PTPRR: variants seen among roughly 807,000 people sequenced by gnomAD.
The protein encoded by PTPRR is receptor-type tyrosine-protein phosphatase R.
A neutral mutation model predicts 77.2 loss-of-function variants in PTPRR; 38 were observed. That is an observed-to-expected ratio of 0.49 (90% CI 0.38 to 0.65). The LOEUF is 0.65. Among genes scored for constraint, PTPRR ranks in the 30% least tolerant of loss-of-function variants. The probability of loss-of-function intolerance (pLI) is 0.00; values close to 1 mark genes in which losing one functional copy is unlikely to be tolerated. For synonymous variants in PTPRR, 299 were observed against 283.1 expected (o/e 1.06, Z -0.57); for missense variants, 744 against 799.2 (o/e 0.93, Z 0.83).
intron 2 of PTPRR, among the ~76,000 whole-genome samples, chr12:70,828,445 G>A (rs535961235): frequency 7.9e-5 from 12 of 151,684 alleles, no homozygotes; most frequent in Non-Finnish European, 5.9e-5. Flanking sequence ...TGGGAATGGG[G>A]TAAGTGGGAG....
chr12:70,897,196 C>G (rs1036481638), intron 1 of PTPRR, among the ~76,000 whole-genome samples: 2,408 of 151,622 alleles, frequency 0.016, 62 homozygotes, highest in African/African-American at 0.055. Flanking sequence ...CAAAAGAAAC[C>G]ACCATCAGAG....
chr12:70,781,064 G>T (rs1020273885), intron 2 of PTPRR, among the ~76,000 whole-genome samples: 1 of 152,194 alleles, frequency 6.6e-6, no homozygotes, highest in African/African-American at 2.4e-5. Context: ...TTCGTGATTT[G>T]AAGTCACAAA....
chr12:70,854,815 G>T (rs1222485211), intron 2 of PTPRR, among the ~76,000 whole-genome samples: 1 of 152,208 alleles, frequency 6.6e-6, no homozygotes, highest in Non-Finnish European at 1.5e-5. Flanking sequence ...TTGTTTACCT[G>T]TTAAGCGTTT....
In PTPRR at chr12:70,745,878, G is replaced by A. The variant is rs751774626; in HGVS notation, c.947C>T (p.Thr316Ile). Residue 316 changes from threonine (T) to isoleucine (I), a missense_variant, in exon 6 of 14, where the codon ACC (threonine) becomes ATC (isoleucine). By Grantham distance (89) the Thr-to-Ile change is moderately conservative (BLOSUM62 -1). Coordinates refer to ENST00000283228, the MANE Select transcript of PTPRR (RefSeq NM_002849.4). ...AGAAGGGCAAACAGAGGTAGCGGTG[G>A]TAGCTTTGATCTCAGGAGCACCTCG... The part of the protein sequence containing the change: ...QGRGAPEIKA[T>I]TATSVCPSPF... 3 of 1,614,040 alleles carry A rather than the reference G, an allele frequency of 1.9e-6. No individual in the cohort carries two copies. In the Admixed American group the frequency reaches 5.0e-5, roughly 27 times the overall value.
Position 70,701,266 on chromosome 12 carries a change from G to A in PTPRR, c.1065C>T (p.Pro355=). Reference sequence around the variant, plus strand: ...CCCGTGGTGTTGGTATAGACACAAAGGGTTCAATGTTCCCCAAGCTACTCA... The same window carrying A: ...CCCGTGGTGTTGGTATAGACACAAAAGGTTCAATGTTCCCCAAGCTACTCA... ...LDMSSLGNIE[P]FVSIPTPREK... Residue 355 remains proline, a synonymous_variant, in exon 7 of 14, where the codon CCC becomes CCT. Coordinates refer to ENST00000283228, the MANE Select transcript of PTPRR (RefSeq NM_002849.4). The A allele has an allele frequency of 1.2e-6, 2 of 1,613,928 alleles. No homozygotes were observed. The highest frequency in any genetic ancestry group is 1.1e-5 in the South Asian group (1 of 91,080).
chr12:70,713,645 C>T (rs1466844262), intron 6 of PTPRR, among the ~76,000 whole-genome samples: 1 of 150,160 alleles, frequency 6.7e-6, no homozygotes, highest in Non-Finnish European at 1.5e-5. Context: ...TCCCTAATGA[C>T]TGACAATGTT....
chr12:70,708,137 C>T (rs1565658287), intron 6 of PTPRR, among the ~76,000 whole-genome samples: 2 of 152,060 alleles, frequency 1.3e-5, no homozygotes, highest in Non-Finnish European at 2.9e-5. Context: ...CAATATATAT[C>T]ATATTCACTA....
intron 2 of PTPRR, among the ~76,000 whole-genome samples, chr12:70,851,785 C>T (rs1182917585): frequency 1.3e-5 from 2 of 152,016 alleles, no homozygotes; most frequent in East Asian, 3.9e-4. Flanking sequence ...TAGATGTATC[C>T]TGATGTCAGA....
At chr12:70,822,140 T>C (rs2467008) in intron 2 of PTPRR, among the ~76,000 whole-genome samples, 31,122 of 152,198 alleles carry the variant, frequency 0.2, 5,104 homozygotes, top group African/African-American at 0.45. Flanking sequence ...TGTTGGATGT[T>C]GCAGAAAATG....
intron 2 of PTPRR, among the ~76,000 whole-genome samples, chr12:70,770,489 T>G (rs1259791768): frequency 6.6e-6 from 1 of 152,070 alleles, no homozygotes; most frequent in African/African-American, 2.4e-5. Context: ...AGAATGGCAA[T>G]CATTAAAAAG....
chr12:70,757,907 A>C (rs575393050), intron 4 of PTPRR, among the ~76,000 whole-genome samples: 1 of 152,340 alleles, frequency 6.6e-6, no homozygotes, highest in South Asian at 2.1e-4. Flanking sequence ...AACTCACAGA[A>C]TAGCATTTAC....
At chr12:70,918,373 T>C (rs1053906729) in intron 1 of PTPRR, among the ~76,000 whole-genome samples, 1 of 152,226 alleles carries the variant, frequency 6.6e-6, no homozygotes, top group African/African-American at 2.4e-5. Context: ...AATTGAAATA[T>C]AAAAATGTCC....
intron 2 of PTPRR, among the ~76,000 whole-genome samples, chr12:70,795,579 A>C (rs1324809026): frequency 6.6e-6 from 1 of 152,192 alleles, no homozygotes; most frequent in Non-Finnish European, 1.5e-5. Flanking sequence ...TATTATTTAT[A>C]CAGTCCATTA....
At chr12:70,731,127 A>AGAGGAAGGAAGGAGGAAGGAGAGG (rs1359457471) in intron 6 of PTPRR, among the ~76,000 whole-genome samples, 6 of 151,986 alleles carry the variant, frequency 3.9e-5, no homozygotes, top group Non-Finnish European at 7.4e-5. Flanking sequence ...GGAAGGAGAG[A>AGAGGAAGGAAGGAGGAAGGAGAGG]GAGAGGAAGG....
chr12:70,642,944 G>A (rs1021326050), intron 13 of PTPRR, among the ~76,000 whole-genome samples: 2 of 152,148 alleles, frequency 1.3e-5, no homozygotes, highest in African/African-American at 4.8e-5. Flanking sequence ...CCCAAAGTGG[G>A]AGGATCACTT....
intron 2 of PTPRR, among the ~76,000 whole-genome samples, chr12:70,791,162 A>T (rs1891415819): frequency 6.6e-6 from 1 of 152,210 alleles, no homozygotes; most frequent in South Asian, 2.1e-4. Context: ...GGAGGCTTCT[A>T]ACTCATTCAG....
At chr12:70,779,202 G>T (rs554039413) in intron 2 of PTPRR, among the ~76,000 whole-genome samples, 15 of 146,874 alleles carry the variant, frequency 1.0e-4, no homozygotes, top group African/African-American at 3.8e-4. Context: ...TTCAGCTTCT[G>T]TTTCTCTCTT....
intron 2 of PTPRR, among the ~76,000 whole-genome samples, chr12:70,828,855 G>T (rs1338031899): frequency 6.6e-6 from 1 of 152,070 alleles, no homozygotes; most frequent in Non-Finnish European, 1.5e-5. Context: ...TTTGTGGGGC[G>T]GGGGACTCAA....
At chr12:70,839,519 T>C (rs1168011262) in intron 2 of PTPRR, among the ~76,000 whole-genome samples, 1 of 152,194 alleles carries the variant, frequency 6.6e-6, no homozygotes, top group African/African-American at 2.4e-5. Context: ...TATTATTATA[T>C]CCAGTGTAAT....
Sources: allele counts gnomAD v4.1 joint callset (sites outside exome capture counted in the v4.1 genomes callset), GRCh38; gene constraint gnomAD v4.1.1; transcripts MANE v1.5; gene names NCBI Gene and HGNC (gene_info 2026-07-23, HGNC 2026-07-21).